The following DLG2 variants were observed in gnomAD, a reference collection of about 807,000 sequenced individuals.
The protein encoded by DLG2 is discs large MAGUK scaffold protein 2.
Under a neutral mutation model 132.5 loss-of-function variants are expected in DLG2, and 45 were observed. The ratio of observed to expected loss-of-function variants is 0.34; its 90% confidence interval spans 0.27 to 0.44. The LOEUF is 0.44. Among genes scored for constraint, DLG2 ranks in the 20% least tolerant of loss-of-function variants. The pLI, the probability that DLG2 is intolerant of heterozygous loss-of-function variation, is 1.00. For missense variants in DLG2, 1,045 were observed against 1,196.9 expected (o/e 0.87, Z 1.87); for synonymous variants, 424 against 419.6 (o/e 1.01, Z -0.13).
At chr11:84,106,954 A>G (rs12574486) in intron 9 of DLG2, among the ~76,000 whole-genome samples, 5 of 132,948 alleles carry the variant, frequency 3.8e-5, no homozygotes, top group South Asian at 2.4e-4. Context: ...GAGAGAGAGA[A>G]AGAGAGAGAG....
At chr11:85,408,391 T>A (rs992702731) in intron 3 of DLG2, among the ~76,000 whole-genome samples, 4 of 149,832 alleles carry the variant, frequency 2.7e-5, no homozygotes, top group Middle Eastern at 3.3e-3. Context: ...TACTATTATT[T>A]TTATTATTAT....
At chr11:85,164,892 C>T (rs1566956666) in intron 4 of DLG2, among the ~76,000 whole-genome samples, 1 of 152,074 alleles carries the variant, frequency 6.6e-6, no homozygotes, top group Non-Finnish European at 1.5e-5. Context: ...TTCTTACTGC[C>T]CACACATCCT....
At chr11:83,933,911 G>A (rs2080904743) in intron 14 of DLG2, among the ~76,000 whole-genome samples, 1 of 152,216 alleles carries the variant, frequency 6.6e-6, no homozygotes, top group African/African-American at 2.4e-5. Flanking sequence ...AAAATTTTCA[G>A]TTAACAGAAA....
At chr11:84,031,819 A>G (rs1198256067) in intron 11 of DLG2, among the ~76,000 whole-genome samples, 1 of 152,188 alleles carries the variant, frequency 6.6e-6, no homozygotes, top group Non-Finnish European at 1.5e-5. Context: ...TGCATCAAGC[A>G]TGTCTATTGG....
At chr11:85,456,134 T>C (rs922004863) in intron 3 of DLG2, among the ~76,000 whole-genome samples, 14 of 152,194 alleles carry the variant, frequency 9.2e-5, no homozygotes, top group Non-Finnish European at 1.9e-4. Context: ...AGGCTTTTTA[T>C]TACTGATTCA....
chr11:83,987,384 G>A lies in DLG2; in HGVS notation c.920-6742C>T, dbSNP rs188102211. 1.6e-3 allele frequency among the ~76,000 whole-genome samples: 243 copies of A among 152,194 alleles called. 1 individual carries two copies. Among genetic ancestry groups the A allele is most frequent in the African/African-American group, 5.3e-3 (221 of 41,534 alleles). ...GTGGGACCAAAAAAGAGCCCGCATC[G>A]CCAAGGCAATCCTAAGCCAAAAGAA... On this transcript the variant is annotated intron_variant, in intron 11 of 27. Coordinates refer to ENST00000376104, the MANE Select transcript of DLG2 (RefSeq NM_001142699.3).
At chr11:84,304,296 T>C (rs1361869638) in intron 7 of DLG2, among the ~76,000 whole-genome samples, 3 of 152,186 alleles carry the variant, frequency 2.0e-5, no homozygotes, top group Non-Finnish European at 4.4e-5. Flanking sequence ...TCACACTCTC[T>C]AATCAGGGAG....
intron 16 of DLG2, among the ~76,000 whole-genome samples, chr11:83,866,714 T>C (rs2062455132): frequency 6.6e-6 from 1 of 152,178 alleles, no homozygotes; most frequent in Admixed American, 6.6e-5. Context: ...TAAGTAATCA[T>C]GCTGAAACTC....
chr11:85,505,537 G>A (rs1369422658), intron 3 of DLG2, among the ~76,000 whole-genome samples: 2 of 152,176 alleles, frequency 1.3e-5, no homozygotes, highest in African/African-American at 4.8e-5. Flanking sequence ...ATTTGCGTAT[G>A]TTGAACCAGC....
chr11:84,299,186 A>T (rs1399622), intron 7 of DLG2, among the ~76,000 whole-genome samples: 119,660 of 152,174 alleles, frequency 0.79, 47,991 homozygotes, highest in African/African-American at 0.95. Flanking sequence ...AACATTTCCA[A>T]AGATACGTAA....
intron 9 of DLG2, among the ~76,000 whole-genome samples, chr11:84,123,026 C>T (rs928857290): frequency 2.6e-5 from 4 of 152,060 alleles, no homozygotes; most frequent in Non-Finnish European, 5.9e-5. Flanking sequence ...AAAAAAACCC[C>T]TAATATTTGC....
intron 3 of DLG2, among the ~76,000 whole-genome samples, chr11:85,358,369 A>T (rs1204137503): frequency 1.3e-5 from 2 of 152,156 alleles, no homozygotes; most frequent in Non-Finnish European, 2.9e-5. Flanking sequence ...ACCCTCTACA[A>T]GCAGTCTGCA....
chr11:84,883,080 C>T (rs2087619296), intron 6 of DLG2, among the ~76,000 whole-genome samples: 1 of 152,070 alleles, frequency 6.6e-6, no homozygotes, highest in African/African-American at 2.4e-5. Context: ...CAATGATAGA[C>T]TGGATAAATA....
At chr11:84,609,681 G>A (rs1233326847) in intron 6 of DLG2, among the ~76,000 whole-genome samples, 2 of 152,028 alleles carry the variant, frequency 1.3e-5, no homozygotes, top group African/African-American at 4.8e-5. Flanking sequence ...TGATAATTTG[G>A]TAATCAAATA....
At position 85,422,766 on chromosome 11, in the gene DLG2, C is replaced by T. The variant is rs1009870463; in HGVS notation, c.41-137401G>A. On this transcript the variant is annotated intron_variant, in intron 3 of 27. Coordinates refer to ENST00000376104, the MANE Select transcript of DLG2 (RefSeq NM_001142699.3). ...TCAGCCTCCCAAGGTTCTAGGACTACAGGCACGAGACACCACACCTGGCAT... is the reference window on the plus strand; with the variant it reads ...TCAGCCTCCCAAGGTTCTAGGACTATAGGCACGAGACACCACACCTGGCAT... 2.0e-5 allele frequency among the ~76,000 whole-genome samples: 3 copies of T among 152,142 alleles called. No individual in the cohort carries two copies. The East Asian group carries it at 5.8e-4, about 29-fold the overall frequency.
chr11:85,388,161 G>T (rs1457900131), intron 3 of DLG2, among the ~76,000 whole-genome samples: 1 of 152,138 alleles, frequency 6.6e-6, no homozygotes, highest in African/African-American at 2.4e-5. Context: ...CATGGGAGCT[G>T]GTTGAGGCCA....
intron 18 of DLG2, among the ~76,000 whole-genome samples, chr11:83,676,420 C>T (rs2077700607): frequency 1.3e-5 from 2 of 152,214 alleles, no homozygotes; most frequent in South Asian, 4.1e-4. Flanking sequence ...ATAATCACCA[C>T]TATGAGTATA....
intron 6 of DLG2, among the ~76,000 whole-genome samples, chr11:85,053,394 C>T (rs1315010269): frequency 1.3e-4 from 20 of 152,208 alleles, no homozygotes; most frequent in African/African-American, 4.8e-4. Context: ...TCCCTGTCTA[C>T]CACATAAGAT....
Position 84,423,647 on chromosome 11 carries a change from C to T in DLG2, c.519+110923G>A, listed in dbSNP as rs573224469. 1.3e-5 allele frequency among the ~76,000 whole-genome samples: 2 copies of T among 152,116 alleles called. 1 individual carries two copies. Among genetic ancestry groups the T allele is most frequent in the African/African-American group, 4.8e-5 (2 of 41,430 alleles). On this transcript the variant is annotated intron_variant, in intron 7 of 27. Coordinates refer to ENST00000376104, the MANE Select transcript of DLG2 (RefSeq NM_001142699.3). ...TCACCATCACATCCCAGCTTCTCAG[C>T]ATACTGTGAGGTAGCTCTTAAATGA...
Sources: gnomAD v4.1 joint callset for allele counts (sites outside exome capture counted in the v4.1 genomes callset) on GRCh38, gnomAD v4.1.1 for gene constraint, MANE v1.5 for transcripts, NCBI Gene and HGNC (gene_info 2026-07-23, HGNC 2026-07-21) for gene names.